SH3D19: variants seen among roughly 807,000 people sequenced by gnomAD.
SH3D19 encodes the protein SH3 domain-containing protein 19.
A neutral mutation model predicts 112.1 loss-of-function variants in SH3D19; 58 were observed. That is an observed-to-expected ratio of 0.52 (90% CI 0.42 to 0.64). The LOEUF (loss-of-function observed/expected upper bound fraction) is 0.64, where lower values mean the gene tolerates loss of function less well. Ranked by LOEUF, SH3D19 falls within the 30% of genes least tolerant of loss-of-function variation. The pLI, the probability that SH3D19 is intolerant of heterozygous loss-of-function variation, is 0.00. For missense variants in SH3D19, 1,090 were observed against 1,263.4 expected, an observed-to-expected ratio of 0.86 and a Z score of 2.08; for synonymous variants, 391 against 448.5, an observed-to-expected ratio of 0.87 and a Z score of 1.62.
At position 151,152,721 on chromosome 4, in the gene SH3D19, G is replaced by A. The variant is rs774971806; in HGVS notation, c.1756-3160C>T. 1.3e-5 allele frequency among the ~76,000 whole-genome samples: 2 copies of A among 149,690 alleles called. 1 individual carries two copies. The highest frequency in any genetic ancestry group is 3.0e-5 in the Non-Finnish European group (2 of 67,360). On this transcript the variant is annotated intron_variant, in intron 9 of 19. Transcript: ENST00000604030. ...TTTAGTAGAGACGGGGTTTCACCATGTTGGCCATGCTGTTCTGGAACTCCT... is the reference window on the plus strand; with the variant it reads ...TTTAGTAGAGACGGGGTTTCACCATATTGGCCATGCTGTTCTGGAACTCCT...
Position 151,120,777 on chromosome 4 carries a change from TA to T in SH3D19, c.*1313del, listed in dbSNP as rs1459886251. On this transcript the variant is annotated 3_prime_UTR_variant, in exon 20 of 20. Transcript: ENST00000604030. ...TTGGACAATGGGAAAAAAAAAACAA[TA>T]AAAGCTAAAATGTGGTCCAGCATAT... 1 of 152,214 alleles carries T rather than the reference TA, an allele frequency of 6.6e-6. No homozygotes were observed. Among genetic ancestry groups the T allele is most frequent in the Non-Finnish European group, 1.5e-5 (1 of 67,916 alleles). 9.4% of individuals were successfully genotyped at this position (152,214 alleles called of 1,614,324 possible). A position where few individuals can be genotyped will look rare whatever the true frequency, so the allele number is the denominator to read the frequency against.
chr4:151,134,353 A>G (rs1751373170), intron 15 of SH3D19, among the ~76,000 whole-genome samples: 1 of 152,214 alleles, frequency 6.6e-6, no homozygotes, highest in Non-Finnish European at 1.5e-5. Context: ...TTAAATCACA[A>G]AGGAGTTACA....
intron 12 of SH3D19, 75 bp downstream of exon 12, chr4:151,143,835 T>C (rs974824338): frequency 7.2e-6 from 10 of 1,389,062 alleles, no homozygotes; most frequent in African/African-American, 1.4e-5. Context: ...AACCTGAAGA[T>C]GAGATATAAT....
At chr4:151,151,842 T>C (rs958586233) in intron 9 of SH3D19, among the ~76,000 whole-genome samples, 2 of 152,198 alleles carry the variant, frequency 1.3e-5, no homozygotes, top group African/African-American at 4.8e-5. Context: ...AGGAAGAAAT[T>C]TTAATTGCTT....
intron 17 of SH3D19, among the ~76,000 whole-genome samples, chr4:151,129,493 C>T (rs1750149529): frequency 6.6e-6 from 1 of 152,160 alleles, no homozygotes; most frequent in South Asian, 2.1e-4. Context: ...CCTCAGCCTC[C>T]CGATTAGCTA....
At chr4:151,185,821 A>C (rs1761686565) in intron 3 of SH3D19, among the ~76,000 whole-genome samples, 1 of 151,784 alleles carries the variant, frequency 6.6e-6, no homozygotes, top group African/African-American at 2.4e-5. Flanking sequence ...CAAGGCGGGC[A>C]AATCACTTGA....
intron 1 of SH3D19, chr4:151,283,240 A>G (rs1279199247): frequency 6.2e-7 from 1 of 1,613,808 alleles, no homozygotes; most frequent in Non-Finnish European, 8.5e-7. Flanking sequence ...ATCAAGGAAG[A>G]CAAGATTTGT....
intron 1 of SH3D19, among the ~76,000 whole-genome samples, chr4:151,229,872 G>A (rs1000122723): frequency 5.9e-5 from 9 of 152,164 alleles, no homozygotes; most frequent in African/African-American, 1.2e-4. Flanking sequence ...CCAAAATCAC[G>A]CCACTGCATT....
At chr4:151,255,127 A>ACC (rs570387721) in intron 1 of SH3D19, among the ~76,000 whole-genome samples, 2 of 133,802 alleles carry the variant, frequency 1.5e-5, no homozygotes, top group African/African-American at 2.9e-5. Context: ...CGGGGGGCTG[A>ACC]CCCCCCCCAC....
At chr4:151,310,136 G>A (rs965251002) in intron 1 of SH3D19, among the ~76,000 whole-genome samples, 2 of 150,582 alleles carry the variant, frequency 1.3e-5, no homozygotes, top group Non-Finnish European at 2.9e-5. Flanking sequence ...CACTTTGGGA[G>A]CCTGAGGCAG....
At chr4:151,209,855 C>G (rs992128174) in intron 2 of SH3D19, among the ~76,000 whole-genome samples, 4 of 152,074 alleles carry the variant, frequency 2.6e-5, no homozygotes, top group African/African-American at 7.2e-5. Context: ...TACAAGACCC[C>G]TTTTGGAAAG....
intron 11 of SH3D19, chr4:151,144,462 A>C: frequency 1.6e-6 from 1 of 618,792 alleles, no homozygotes; most frequent in South Asian, 2.0e-5. Context: ...CATGGATGTT[A>C]AGAGGCTCTT....
rs541665981 is a variant in SH3D19 at position 151,234,735 on chromosome 4, G to GTTTTTT, written c.113-8655_113-8650dup. 1.6e-3 allele frequency among the ~76,000 whole-genome samples: 41 copies of GTTTTTT among 25,070 alleles called. 3 individuals are homozygous for GTTTTTT. The highest frequency in any genetic ancestry group is 3.4e-3 in the African/African-American group (37 of 10,820). The allele number at this position is 25,070 out of a possible 152,430, so 16.4% of individuals were successfully genotyped here. On this transcript the variant is annotated intron_variant, in intron 1 of 19. Coordinates refer to ENST00000604030, the MANE Select transcript of SH3D19 (RefSeq NM_001378122.1). The stretch of plus-strand genomic sequence containing the variant: ...GTTTTTGTTTTCTTTCCAAGTTTGT[G>GTTTTTT]TTTTTTTTTTTTTTTTTTTTTTTTT...
At chr4:151,323,807 AAC>A (rs1379514825) in intron 1 of SH3D19, among the ~76,000 whole-genome samples, 2 of 152,208 alleles carry the variant, frequency 1.3e-5, no homozygotes, top group Non-Finnish European at 2.9e-5. Flanking sequence ...CTAAATGATA[AAC>A]ACACATCTGG....
At chr4:151,127,555 C>A in intron 19 of SH3D19, 63 bp downstream of exon 19, 1 of 971,798 alleles carries the variant, frequency 1.0e-6, no homozygotes, top group South Asian at 1.7e-5. Flanking sequence ...TTCCATCCTT[C>A]AATGGAAAAC....
intron 1 of SH3D19, among the ~76,000 whole-genome samples, chr4:151,228,437 T>G (rs2149953299): frequency 6.6e-6 from 1 of 152,350 alleles, no homozygotes; most frequent in South Asian, 2.1e-4. Flanking sequence ...TTTCACATTT[T>G]GCCATAAAGC....
chr4:151,179,269 G>T, intron 4 of SH3D19, 86 bp downstream of exon 4: 1 of 669,958 alleles, frequency 1.5e-6, no homozygotes, highest in Non-Finnish European at 2.1e-6. Flanking sequence ...GCTTATGAAA[G>T]TGAAACATTT....
chr4:151,312,729 T>C (rs1729581409), intron 1 of SH3D19, among the ~76,000 whole-genome samples: 1 of 151,706 alleles, frequency 6.6e-6, no homozygotes. Context: ...AAGAACCCCG[T>C]CTCTACTAAA....
chr4:151,309,596 T>C (rs1023056173), intron 1 of SH3D19, among the ~76,000 whole-genome samples: 4 of 152,134 alleles, frequency 2.6e-5, no homozygotes, highest in Admixed American at 1.3e-4. Context: ...AAACACCCAA[T>C]GGGTACACGA....
Sources: gnomAD v4.1 joint callset for allele counts (sites outside exome capture counted in the v4.1 genomes callset) on GRCh38, gnomAD v4.1.1 for gene constraint, MANE v1.5 for transcripts, NCBI Gene and HGNC (gene_info 2026-07-23, HGNC 2026-07-21) for gene names.